The following PPHLN1 variants were observed in gnomAD, a reference collection of about 807,000 sequenced individuals.
The protein encoded by PPHLN1 is periphilin 1.
In PPHLN1, 29 loss-of-function variants were observed where a neutral mutation model predicts 51.3. That is an observed-to-expected ratio of 0.57 (90% CI 0.42 to 0.77). The LOEUF (loss-of-function observed/expected upper bound fraction) is 0.77, where lower values mean the gene tolerates loss of function less well. Among genes scored for constraint, PPHLN1 ranks in the 30% least tolerant of loss-of-function variants. The pLI is 0.00. For missense variants in PPHLN1, 436 were observed against 438.4 expected, an observed-to-expected ratio of 0.99 and a Z score of 0.05; for synonymous variants, 147 against 147.8, an observed-to-expected ratio of 0.99 and a Z score of 0.04.
intron 4 of PPHLN1, among the ~76,000 whole-genome samples, chr12:42,373,048 A>T (rs1160831159): frequency 1.3e-5 from 2 of 152,176 alleles, no homozygotes; most frequent in Non-Finnish European, 1.5e-5. Context: ...GCCTGGACTA[A>T]GTTAGGTTCC....
chr12:42,384,541 T>C (rs1370383874), intron 5 of PPHLN1, among the ~76,000 whole-genome samples: 1 of 152,216 alleles, frequency 6.6e-6, no homozygotes, highest in Admixed American at 6.5e-5. Flanking sequence ...TGTACTCCTT[T>C]CTCAGGCCTT....
intron 9 of PPHLN1, among the ~76,000 whole-genome samples, chr12:42,425,246 A>T (rs1478889920): frequency 4.0e-5 from 5 of 124,828 alleles, no homozygotes; most frequent in African/African-American, 1.5e-4. Flanking sequence ...TGCCTGGCTA[A>T]TTTTTTTTTT....
chr12:42,336,558 G>A (rs867672209), intron 2 of PPHLN1, among the ~76,000 whole-genome samples: 61 of 152,264 alleles, frequency 4.0e-4, no homozygotes, highest in African/African-American at 1.3e-3. Flanking sequence ...CTTGTCTCTC[G>A]TTGCTCTGGG....
intron 5 of PPHLN1, among the ~76,000 whole-genome samples, chr12:42,380,254 T>A (rs1449814557): frequency 6.6e-6 from 1 of 152,116 alleles, no homozygotes; most frequent in Non-Finnish European, 1.5e-5. Context: ...TTTGGTTGAA[T>A]TTTAAAATAC....
In PPHLN1 at chr12:42,441,520, T is replaced by C; in HGVS notation, c.*11T>C. 4 of 1,539,696 alleles carry C rather than the reference T, an allele frequency of 2.6e-6. No homozygotes were observed. Among genetic ancestry groups the C allele is most frequent in the Non-Finnish European group, 3.5e-6 (4 of 1,147,510 alleles). The stretch of plus-strand genomic sequence containing the variant: ...GGAGAGCCTTTTTAGATTTTTCTGC[T>C]CAGGCTAAAAAAAAAAAAAAACAGT... On this transcript the variant is annotated 3_prime_UTR_variant, in exon 10 of 10. Coordinates refer to ENST00000358314, the MANE Select transcript of PPHLN1 (RefSeq NM_201439.2).
intron 9 of PPHLN1, chr12:42,399,334 T>C: frequency 1.2e-6 from 1 of 853,252 alleles, no homozygotes. Context: ...TTTTTGAATA[T>C]TGGGATTACA....
chr12:42,428,107 A>G (rs2081659526), intron 9 of PPHLN1, among the ~76,000 whole-genome samples: 1 of 152,232 alleles, frequency 6.6e-6, no homozygotes, highest in African/African-American at 2.4e-5. Context: ...ATCAAAAAAC[A>G]GTAGATGTTT....
At position 42,399,253 on chromosome 12, in the gene PPHLN1, TA is replaced by T. The variant is rs910279630; in HGVS notation, c.909+264del. The T allele has an allele frequency of 1.0e-5, 10 of 994,002 alleles. No individual in the cohort carries two copies. In the African/African-American group the frequency reaches 1.7e-4, roughly 17 times the overall value. The allele number at this position is 994,002 out of a possible 1,614,324, so 61.6% of individuals were successfully genotyped here. On this transcript the variant is annotated intron_variant, in intron 9 of 9. Coordinates refer to ENST00000358314, the MANE Select transcript of PPHLN1 (RefSeq NM_201439.2). ...AATATTCTAGTTAGTATGAAGCAAT[TA>T]AAAATTATTAAAGTTAATAGGGATG... is the stretch of plus-strand genomic sequence containing the variant.
intron 7 of PPHLN1, among the ~76,000 whole-genome samples, chr12:42,389,147 C>T (rs991462958): frequency 6.6e-6 from 1 of 151,274 alleles, no homozygotes; most frequent in Admixed American, 6.6e-5. Flanking sequence ...CCGAGGCAGG[C>T]GGATCATGAG....
intron 9 of PPHLN1, among the ~76,000 whole-genome samples, chr12:42,404,881 G>A (rs2079156785): frequency 6.6e-6 from 1 of 152,034 alleles, no homozygotes; most frequent in East Asian, 1.9e-4. Flanking sequence ...TACAAAATTA[G>A]CCGGGCGTGG....
At chr12:42,360,909 C>G (rs1044440902) in intron 4 of PPHLN1, among the ~76,000 whole-genome samples, 1 of 152,146 alleles carries the variant, frequency 6.6e-6, no homozygotes, top group African/African-American at 2.4e-5. Context: ...GTTAAGTTGT[C>G]CTTCCCCCTG....
Position 42,426,227 on chromosome 12 carries a change from CA to C in PPHLN1, c.910-15087del, listed in dbSNP as rs1395838853. ...ACACACACACACACACACACACACA[CA>C]CCCTCATGCATTGTCTCATGGCAGT... is the stretch of plus-strand genomic sequence containing the variant. On this transcript the variant is annotated intron_variant, in intron 9 of 9. Transcript: ENST00000358314. Among the ~76,000 whole-genome samples the C allele has an allele frequency of 3.8e-3, 528 of 137,570 alleles. 4 individuals are homozygous for C. Among genetic ancestry groups the C allele is most frequent in the South Asian group, 8.5e-3 (37 of 4,372 alleles). The allele number at this position is 137,570 out of a possible 152,430, so 90.3% of individuals were successfully genotyped here. A position where few individuals can be genotyped will look rare whatever the true frequency, so the allele number is the denominator to read the frequency against.
Position 42,419,691 on chromosome 12 carries a change from A to C in PPHLN1, c.909+20697A>C, listed in dbSNP as rs2080812562. On this transcript the variant is annotated intron_variant, in intron 9 of 9. Transcript: ENST00000358314. ...ACTTGTGTTGGTCATTTTTGGCCTA[A>C]ATAGAAAGAAAATAACTTATACCTG... is the stretch of plus-strand genomic sequence containing the variant. Among the ~76,000 whole-genome samples, 5 of 152,326 alleles carry C rather than the reference A, an allele frequency of 3.3e-5. No individual in the cohort carries two copies. The South Asian group carries it at 1.0e-3, about 32-fold the overall frequency.
intron 9 of PPHLN1, among the ~76,000 whole-genome samples, chr12:42,417,948 T>TG (rs1454734805): frequency 8.9e-6 from 1 of 112,584 alleles, no homozygotes; most frequent in Non-Finnish European, 1.9e-5. Context: ...TTTTTGTTTT[T>TG]TTTTTTTTTG....
chr12:42,444,728 ACT>A (rs1467632328), downstream of PPHLN1: 2 of 298,916 alleles, frequency 6.7e-6, no homozygotes, highest in African/African-American at 2.2e-5. Context: ...TTCAGATAGC[ACT>A]CTCTGATTAT....
intron 9 of PPHLN1, among the ~76,000 whole-genome samples, chr12:42,402,668 G>GTTT (rs148393837): frequency 6.7e-6 from 1 of 149,994 alleles, no homozygotes; most frequent in Non-Finnish European, 1.5e-5. Context: ...AGAATTTTAA[G>GTTT]TTTTTTTTTT....
intron 9 of PPHLN1, among the ~76,000 whole-genome samples, chr12:42,424,827 A>T (rs1286314849): frequency 6.6e-6 from 1 of 152,198 alleles, no homozygotes; most frequent in South Asian, 2.1e-4. Context: ...TGGATACTAT[A>T]AAAAAATGAA....
intron 9 of PPHLN1, chr12:42,432,330 G>T: frequency 1.3e-6 from 1 of 741,644 alleles, no homozygotes. Flanking sequence ...TTAATCTGTA[G>T]GCATTCCATT....
chr12:42,418,318 G>A (rs978416550), intron 9 of PPHLN1, among the ~76,000 whole-genome samples: 26 of 147,420 alleles, frequency 1.8e-4, no homozygotes, highest in African/African-American at 6.6e-4. Flanking sequence ...ACAAAGATGA[G>A]CACTGCAGAA....
Sources: gnomAD v4.1 joint callset for allele counts (sites outside exome capture counted in the v4.1 genomes callset) on GRCh38, gnomAD v4.1.1 for gene constraint, MANE v1.5 for transcripts, NCBI Gene and HGNC (gene_info 2026-07-23, HGNC 2026-07-21) for gene names.